TRPS1: variants seen among roughly 807,000 people sequenced by gnomAD.
The protein encoded by TRPS1 is zinc finger transcription factor Trps1.
TRPS1 carries 6 observed loss-of-function variants against 101.2 expected under a neutral mutation model. The ratio of observed to expected loss-of-function variants is 0.06; its 90% CI spans 0.03 to 0.12. The LOEUF is 0.12. Ranked by LOEUF, TRPS1 falls within the 10% of genes least tolerant of loss-of-function variation. The pLI, the probability that TRPS1 is intolerant of heterozygous loss-of-function variation, is 1.00. For synonymous variants in TRPS1, 578 were observed against 589.8 expected (o/e 0.98, Z 0.29); for missense variants, 1,363 against 1,567.0 (o/e 0.87, Z 2.20).
chr8:115,610,461 C>A (rs1283362496), intron 3 of TRPS1, among the ~76,000 whole-genome samples: 1 of 152,158 alleles, frequency 6.6e-6, no homozygotes, highest in African/African-American at 2.4e-5. Context: ...GTTTCAGAAT[C>A]TCAATAACAA....
At chr8:115,568,628 AT>A (rs1479429350) in intron 5 of TRPS1, among the ~76,000 whole-genome samples, 2 of 152,052 alleles carry the variant, frequency 1.3e-5, no homozygotes, top group Non-Finnish European at 2.9e-5. Flanking sequence ...ATATCAGAAA[AT>A]TTTTTTCCAC....
intron 5 of TRPS1, among the ~76,000 whole-genome samples, chr8:115,481,397 A>ACC (rs369741350): frequency 9.6e-4 from 142 of 148,396 alleles, no homozygotes; most frequent in African/African-American, 3.3e-3. Flanking sequence ...ATAAAAATCA[A>ACC]CCCCCCCCCA....
At chr8:115,558,380 C>T (rs1816873650) in intron 5 of TRPS1, among the ~76,000 whole-genome samples, 1 of 152,082 alleles carries the variant, frequency 6.6e-6, no homozygotes, top group South Asian at 2.1e-4. Context: ...GAAAACAAGC[C>T]AGTGGGGAAG....
chr8:115,425,644 G>A (rs1446710910), intron 5 of TRPS1, among the ~76,000 whole-genome samples: 3 of 152,136 alleles, frequency 2.0e-5, no homozygotes, highest in Non-Finnish European at 4.4e-5. Context: ...AGATGTAACT[G>A]GTGATTCTCA....
chr8:115,491,218 T>C (rs1366045764), intron 5 of TRPS1, among the ~76,000 whole-genome samples: 1 of 152,214 alleles, frequency 6.6e-6, no homozygotes, highest in Admixed American at 6.5e-5. Flanking sequence ...GAGGAGACCT[T>C]TGTCTTTGTC....
rs1320117032 is a variant in TRPS1 at position 115,410,101 on chromosome 8, C to T, written c.*3922G>A. ...AAATGCATTAATTTTATTTACTAAA[C>T]AGGGCAGCAGTTCACAGGTCTCAAG... On this transcript the variant is annotated 3_prime_UTR_variant, in exon 7 of 7. Transcript: ENST00000395715. 1.3e-5 allele frequency: 2 copies of T among 151,984 alleles called. No homozygotes were observed. Among genetic ancestry groups the T allele is most frequent in the Admixed American group, 1.3e-4 (2 of 15,228 alleles). The allele number at this position is 151,984 out of a possible 1,614,324, so 9.4% of individuals were successfully genotyped here. A position where few individuals can be genotyped will look rare whatever the true frequency, so the allele number is the denominator to read the frequency against.
chr8:115,488,408 C>T lies in TRPS1; in HGVS notation c.2701-69956G>A, dbSNP rs531903303. ...GCCTGTGTGATATAAATAAGACTAC[C>T]GGCCAGGTGAGGTGGCTCACGCCTG... On this transcript the variant is annotated intron_variant, in intron 5 of 6. Transcript: ENST00000395715. Among the ~76,000 whole-genome samples the T allele has an allele frequency of 5.9e-5, 9 of 152,214 alleles. No individual in the cohort carries two copies. The South Asian group carries it at 6.2e-4, about 11-fold the overall frequency.
Position 115,412,467 on chromosome 8 carries a change from A to G in TRPS1, c.*1556T>C, listed in dbSNP as rs1489633072. 6.6e-6 allele frequency: 1 copy of G among 152,574 alleles called. No individual in the cohort carries two copies. The highest frequency in any genetic ancestry group is 1.5e-5 in the Non-Finnish European group (1 of 67,996). 9.5% of individuals were successfully genotyped at this position (152,574 alleles called of 1,614,324 possible). ...TGGAATATCTTTGTTGCATACGTAC[A>G]CTGTAGAAAATAATTATTCAATATG... On this transcript the variant is annotated 3_prime_UTR_variant, in exon 7 of 7. Coordinates refer to ENST00000395715, the MANE Select transcript of TRPS1 (RefSeq NM_014112.5).
At chr8:115,579,600 G>A (rs891223720) in intron 5 of TRPS1, among the ~76,000 whole-genome samples, 8 of 145,848 alleles carry the variant, frequency 5.5e-5, no homozygotes, top group African/African-American at 1.8e-4. Context: ...ATAAAAGTTT[G>A]ATTCATAATC....
chr8:115,519,213 AAT>A (rs1246192991), intron 5 of TRPS1, among the ~76,000 whole-genome samples: 1 of 151,802 alleles, frequency 6.6e-6, no homozygotes, highest in East Asian at 1.9e-4. Context: ...CATTTAAAAA[AAT>A]GACATTTTAG....
At chr8:115,535,307 C>CATATATATAGCATATATAGAGCAT (rs374751360) in intron 5 of TRPS1, among the ~76,000 whole-genome samples, 3 of 132,414 alleles carry the variant, frequency 2.3e-5, no homozygotes, top group Non-Finnish European at 3.3e-5. Context: ...ATATATATAG[C>CATATATATAGCATATATAGAGCAT]ATATATAGCA....
intron 4 of TRPS1, among the ~76,000 whole-genome samples, chr8:115,596,428 C>T (rs1019451902): frequency 6.6e-6 from 1 of 151,716 alleles, no homozygotes; most frequent in Admixed American, 6.6e-5. Flanking sequence ...TAGTGACATA[C>T]AAATAAATAA....
At chr8:115,498,193 A>G (rs568600682) in intron 5 of TRPS1, among the ~76,000 whole-genome samples, 60 of 152,048 alleles carry the variant, frequency 3.9e-4, no homozygotes, top group African/African-American at 1.4e-3. Context: ...CTGGGCAAAC[A>G]TGACAAAACC....
At chr8:115,662,357 T>C (rs1490154715) in intron 1 of TRPS1, among the ~76,000 whole-genome samples, 1 of 151,888 alleles carries the variant, frequency 6.6e-6, no homozygotes, top group Non-Finnish European at 1.5e-5. Context: ...AAAAAATCTA[T>C]CAGGAAGAAT....
chr8:115,518,804 G>A lies in TRPS1; in HGVS notation c.2700+68197C>T, dbSNP rs141011468. 5.8e-3 allele frequency among the ~76,000 whole-genome samples: 885 copies of A among 151,870 alleles called. 13 individuals are homozygous for A. The highest frequency in any genetic ancestry group is 0.02 in the African/African-American group (839 of 41,496). On this transcript the variant is annotated intron_variant, in intron 5 of 6. Transcript: ENST00000395715. ...TTTCTCTGCATTGCCTTTTGCCAGC[G>A]TCAAACTAAACCATCAGAAATTTAA...
In TRPS1 at chr8:115,494,647, T is replaced by C. The variant is rs1448494051; in HGVS notation, c.2701-76195A>G. On this transcript the variant is annotated intron_variant, in intron 5 of 6. Transcript: ENST00000395715. Reference sequence around the variant, plus strand: ...CAACTTACTTGTAAGCCTATTTTTTTCTCTCTTTCTCTCTCATGGAATAAT... The same window carrying C: ...CAACTTACTTGTAAGCCTATTTTTTCCTCTCTTTCTCTCTCATGGAATAAT... Among the ~76,000 whole-genome samples the C allele has an allele frequency of 2.0e-5, 3 of 152,216 alleles. No homozygotes were observed. In the East Asian group the frequency reaches 5.8e-4, roughly 29 times the overall value.
intron 5 of TRPS1, among the ~76,000 whole-genome samples, chr8:115,428,082 T>C (rs1270102083): frequency 6.6e-6 from 1 of 152,144 alleles, no homozygotes; most frequent in Non-Finnish European, 1.5e-5. Context: ...GGTTTTGACA[T>C]GCTCTGTAAA....
chr8:115,607,369 ACTAAG>A (rs1345316516), intron 3 of TRPS1, among the ~76,000 whole-genome samples: 6 of 152,084 alleles, frequency 3.9e-5, no homozygotes, highest in Non-Finnish European at 8.8e-5. Flanking sequence ...TTTAGGATTA[ACTAAG>A]CTATAAAAAA....
At chr8:115,460,525 G>A (rs1278314001) in intron 5 of TRPS1, among the ~76,000 whole-genome samples, 1 of 151,812 alleles carries the variant, frequency 6.6e-6, no homozygotes, top group Non-Finnish European at 1.5e-5. Flanking sequence ...GATAATAAAT[G>A]TATTGAAAAT....
Sources: gnomAD v4.1 joint callset for allele counts (sites outside exome capture counted in the v4.1 genomes callset) on GRCh38, gnomAD v4.1.1 for gene constraint, MANE v1.5 for transcripts, NCBI Gene and HGNC (gene_info 2026-07-23, HGNC 2026-07-21) for gene names.